The following RRBP1 variants were observed in gnomAD, a reference collection of about 807,000 sequenced individuals.
RRBP1 encodes the protein ribosome binding protein 1.
In RRBP1, 94 loss-of-function variants were observed where a neutral mutation model predicts 165.2. That is an observed-to-expected ratio of 0.57 (90% CI 0.48 to 0.68). The LOEUF (loss-of-function observed/expected upper bound fraction) is 0.68, where lower values mean the gene tolerates loss of function less well. RRBP1 is among the 30% of genes least tolerant of loss of function. RRBP1 has a pLI of 0.00. For missense variants in RRBP1, 1,676 were observed against 1,763.0 expected (o/e 0.95, Z 0.88); for synonymous variants, 680 against 714.5 (o/e 0.95, Z 0.77).
intron 2 of RRBP1, 85 bp downstream of exon 2, chr20:17,679,914 C>G (rs1440082120): frequency 6.6e-6 from 1 of 152,294 alleles, no homozygotes; most frequent in African/African-American, 2.4e-5. Context: ...CTCCCCCAAC[C>G]TTAGCCTCCT....
intron 21 of RRBP1, 45 bp downstream of exon 21, chr20:17,616,687 T>C (rs762263645): frequency 1.5e-6 from 2 of 1,365,744 alleles, no homozygotes; most frequent in South Asian, 1.2e-5. Context: ...GCCTGCACTC[T>C]TCTGGGATTA....
intron 20 of RRBP1, 87 bp downstream of exon 20, chr20:17,618,509 G>A: frequency 1.9e-6 from 2 of 1,052,976 alleles, no homozygotes; most frequent in East Asian, 4.7e-5. Flanking sequence ...ATCTTTGAGT[G>A]GACACAAACG....
At chr20:17,616,704 T>C (rs2035807564) in intron 21 of RRBP1, 28 bp downstream of exon 21, 3 of 1,462,052 alleles carry the variant, frequency 2.1e-6, no homozygotes, top group Non-Finnish European at 2.8e-6. Context: ...ATTAGTGATG[T>C]GTCTGGGGAC....
At chr20:17,654,318 GCTT>G (rs1389156020) in intron 3 of RRBP1, among the ~76,000 whole-genome samples, 3 of 152,176 alleles carry the variant, frequency 2.0e-5, no homozygotes, top group African/African-American at 7.2e-5. Flanking sequence ...AGTCCTAAAT[GCTT>G]CTTCTTGTAC....
chr20:17,631,612 T>G (rs2036152099), intron 8 of RRBP1, among the ~76,000 whole-genome samples: 1 of 152,264 alleles, frequency 6.6e-6, no homozygotes. Context: ...GGGACTTTCA[T>G]AAGGCCCTCC....
chr20:17,656,177 A>T (rs2036642163), intron 3 of RRBP1, among the ~76,000 whole-genome samples: 1 of 152,246 alleles, frequency 6.6e-6, no homozygotes, highest in East Asian at 1.9e-4. Context: ...GAAAATAGAA[A>T]GTCCAAGAAA....
At chr20:17,638,322 A>T (rs970595935) in intron 5 of RRBP1, among the ~76,000 whole-genome samples, 1 of 152,200 alleles carries the variant, frequency 6.6e-6, no homozygotes, top group East Asian at 1.9e-4. Flanking sequence ...ACCAAAGCTC[A>T]TGGAGACCAG....
At chr20:17,620,672 C>T (rs2035896343) in intron 17 of RRBP1, 43 bp downstream of exon 17, 30 of 1,466,972 alleles carry the variant, frequency 2.0e-5, no homozygotes, top group Non-Finnish European at 2.7e-5. Context: ...CCCTGGGCTT[C>T]ATGTGCTCCA....
Position 17,636,744 on chromosome 20 carries a change from G to A in RRBP1, c.2185-15C>T. 6.2e-7 allele frequency: 1 copy of A among 1,612,200 alleles called. No homozygotes were observed. On this transcript the variant is annotated splice_polypyrimidine_tract_variant and intron_variant, in intron 5 of 24. Coordinates refer to ENST00000377813, the MANE Select transcript of RRBP1 (RefSeq NM_001365613.2). ...GCTGCCATCTCCTGGGGGGAAAGTA[G>A]CAGAGAGAGGGGCTGGTAAGCCTTG...
chr20:17,668,688 G>A (rs2036915975), intron 2 of RRBP1, among the ~76,000 whole-genome samples: 1 of 152,216 alleles, frequency 6.6e-6, no homozygotes, highest in Non-Finnish European at 1.5e-5. Flanking sequence ...CCCTTCAAGG[G>A]TTCAAGTCTT....
intron 3 of RRBP1, among the ~76,000 whole-genome samples, chr20:17,645,137 C>T (rs1260166978): frequency 3.9e-5 from 6 of 152,188 alleles, no homozygotes; most frequent in Non-Finnish European, 7.3e-5. Flanking sequence ...AAAGACCACC[C>T]TTCCAGGCCC....
At chr20:17,654,062 T>C (rs1230186014) in intron 3 of RRBP1, among the ~76,000 whole-genome samples, 1 of 152,214 alleles carries the variant, frequency 6.6e-6, no homozygotes, top group Non-Finnish European at 1.5e-5. Context: ...GTCTGACCAC[T>C]GCACTAAAGG....
At chr20:17,656,436 A>T (rs2036647123) in intron 3 of RRBP1, among the ~76,000 whole-genome samples, 1 of 152,176 alleles carries the variant, frequency 6.6e-6, no homozygotes, top group Non-Finnish European at 1.5e-5. Context: ...AATCTATTTC[A>T]TCCAAACCTT....
At chr20:17,628,065 C>A (rs1478530397) in intron 9 of RRBP1, among the ~76,000 whole-genome samples, 3 of 152,126 alleles carry the variant, frequency 2.0e-5, no homozygotes, top group Non-Finnish European at 4.4e-5. Flanking sequence ...CCACACCTCC[C>A]CCACCTCCCT....
At position 17,614,104 on chromosome 20, in the gene RRBP1, G is replaced by A. The variant is rs1311738265; in HGVS notation, c.*78C>T. ...GTTGGGCCTGGATAACGCTGTGTAG[G>A]TTGGTTGGTTTATTTGTAAGGAATG... On this transcript the variant is annotated 3_prime_UTR_variant, in exon 25 of 25. Coordinates refer to ENST00000377813, the MANE Select transcript of RRBP1 (RefSeq NM_001365613.2). 3 of 1,427,802 alleles carry A rather than the reference G, an allele frequency of 2.1e-6. No individual in the cohort carries two copies. The highest frequency in any genetic ancestry group is 1.7e-5 in the Admixed American group (1 of 59,662). 88.4% of individuals were successfully genotyped at this position (1,427,802 alleles called of 1,614,324 possible).
intron 9 of RRBP1, among the ~76,000 whole-genome samples, chr20:17,629,007 A>T (rs553482815): frequency 2.0e-5 from 3 of 151,872 alleles, no homozygotes; most frequent in Non-Finnish European, 4.4e-5. Context: ...CCCGGTGTTA[A>T]CGGGCACTTT....
At chr20:17,652,250 A>G (rs4814633) in intron 3 of RRBP1, among the ~76,000 whole-genome samples, 151,609 of 152,376 alleles carry the variant, frequency 0.99, 75,426 homozygotes, top group Middle Eastern at 1. Context: ...CACTGTGTAA[A>G]GGGAGCCACT....
chr20:17,621,856 T>C lies in RRBP1; in HGVS notation c.3239A>G (p.Gln1080Arg). 3 of 1,613,646 alleles carry C rather than the reference T, an allele frequency of 1.9e-6. No individual in the cohort carries two copies. Among genetic ancestry groups the C allele is most frequent in the South Asian group, 1.1e-5 (1 of 91,066 alleles). The change falls in exon 14 of 25, where the codon CAG becomes CGG. Residue 1080 changes from glutamine to arginine, a missense_variant and splice_region_variant. Coordinates refer to ENST00000377813, the MANE Select transcript of RRBP1 (RefSeq NM_001365613.2). ...CCGGGAACCACCCTCCCCTCCTACC[T>C]GTTGTGCCAAGACAGAGAGTTCTGG... is the stretch of plus-strand genomic sequence containing the variant. The part of the protein sequence containing the change: ...LLPELSVLAQ[Q>R]NYTEWLQDLK...
At chr20:17,636,346 A>G (rs1263044775) in intron 6 of RRBP1, among the ~76,000 whole-genome samples, 1 of 152,166 alleles carries the variant, frequency 6.6e-6, no homozygotes, top group African/African-American at 2.4e-5. Flanking sequence ...TTTAAAATGT[A>G]TTTCATACCT....
Sources: allele counts gnomAD v4.1 joint callset (sites outside exome capture counted in the v4.1 genomes callset), GRCh38; gene constraint gnomAD v4.1.1; transcripts MANE v1.5; gene names NCBI Gene and HGNC (gene_info 2026-07-23, HGNC 2026-07-21).